The following CAST variants were observed in gnomAD, a reference collection of about 807,000 sequenced individuals.
CAST encodes calpastatin, also known as MIR583 host.
A neutral mutation model predicts 119.6 loss-of-function variants in CAST; 76 were observed. The observed-to-expected ratio is 0.64, with a 90% CI of 0.53 to 0.77. The LOEUF is 0.77. Among genes scored for constraint, CAST ranks in the 30% least tolerant of loss-of-function variants. CAST has a pLI of 0.00. For missense variants in CAST, 953 were observed against 946.5 expected (o/e 1.01, Z -0.09); for synonymous variants, 319 against 331.6 (o/e 0.96, Z 0.41).
intron 22 of CAST, among the ~76,000 whole-genome samples, chr5:96,757,135 C>T (rs1766483112): frequency 6.6e-6 from 1 of 152,240 alleles, no homozygotes; most frequent in South Asian, 2.1e-4. Context: ...CACAGCACCA[C>T]ATACCACACT....
At chr5:96,495,268 TACTTTAA>T in the CAST span, among the ~76,000 whole-genome samples, 2 of 152,200 alleles carry the variant, frequency 1.3e-5, no homozygotes, top group Non-Finnish European at 2.9e-5. Flanking sequence ...TTGTTTTTTT[TACTTTAA>T]GTTCTGGGAT....
At chr5:96,668,659 T>C (rs7704167) in intron 1 of CAST, among the ~76,000 whole-genome samples, 38,341 of 152,118 alleles carry the variant, frequency 0.25, 6,548 homozygotes, top group African/African-American at 0.48. Context: ...ACTGAAAAAT[T>C]AAATTATCTG....
the CAST span, among the ~76,000 whole-genome samples, chr5:96,131,829 G>A: frequency 6.6e-6 from 1 of 152,058 alleles, no homozygotes; most frequent in Non-Finnish European, 1.5e-5. Context: ...ACAAACATAA[G>A]TATCAAATCA....
the CAST span, among the ~76,000 whole-genome samples, chr5:96,332,620 C>T: frequency 1.3e-5 from 2 of 152,106 alleles, no homozygotes; most frequent in Non-Finnish European, 2.9e-5. Context: ...AACTTGAGGA[C>T]AGAGCGACGA....
chr5:96,467,154 C>T, the CAST span, among the ~76,000 whole-genome samples: 1 of 151,836 alleles, frequency 6.6e-6, no homozygotes. Flanking sequence ...ATTGTCTTCC[C>T]TGTCTTTTCC....
At chr5:96,271,665 A>C in the CAST span, among the ~76,000 whole-genome samples, 1 of 152,058 alleles carries the variant, frequency 6.6e-6, no homozygotes, top group African/African-American at 2.4e-5. Context: ...AAAAAAAAAA[A>C]AACATTGAAG....
At chr5:96,214,446 C>T in the CAST span, among the ~76,000 whole-genome samples, 1 of 152,046 alleles carries the variant, frequency 6.6e-6, no homozygotes, top group African/African-American at 2.4e-5. Flanking sequence ...ATTGTTACTA[C>T]CCAAATGGAG....
At chr5:96,183,050 A>G in the CAST span, among the ~76,000 whole-genome samples, 1 of 151,886 alleles carries the variant, frequency 6.6e-6, no homozygotes. Flanking sequence ...GAGGCAGGAG[A>G]ATGGCGTGAA....
chr5:96,423,332 G>A, the CAST span: 126 of 1,611,412 alleles, frequency 7.8e-5, no homozygotes, highest in Admixed American at 5.0e-4. Context: ...ATAAATGTCC[G>A]TGTGATTCCA....
At chr5:96,770,346 C>A (rs1300413988) in intron 29 of CAST, 185 bp from the exon 30 acceptor site, 1 of 545,710 alleles carries the variant, frequency 1.8e-6, no homozygotes, top group Non-Finnish European at 3.3e-6. Flanking sequence ...ATCCTTTTTC[C>A]CTCCTGCTTT....
intron 9 of CAST, 149 bp from the exon 10 acceptor site, chr5:96,736,023 A>G (rs1761560634): frequency 3.4e-6 from 2 of 582,122 alleles, no homozygotes; most frequent in Non-Finnish European, 3.0e-6. Flanking sequence ...GAAAAAGGAT[A>G]TAAAACACAC....
the CAST span, among the ~76,000 whole-genome samples, chr5:96,490,354 CTGTG>C: frequency 0.054 from 8,106 of 149,566 alleles, 525 homozygotes; most frequent in African/African-American, 0.16. Context: ...ATGTGTGTGT[CTGTG>C]TGTGTGTGTG....
chr5:96,375,232 G>T, the CAST span, among the ~76,000 whole-genome samples: 3 of 152,172 alleles, frequency 2.0e-5, no homozygotes, highest in Admixed American at 2.0e-4. Context: ...AGATTTTCAG[G>T]TGTCTTCAAA....
chr5:96,283,612 T>A, the CAST span, among the ~76,000 whole-genome samples: 2 of 152,216 alleles, frequency 1.3e-5, no homozygotes, highest in Non-Finnish European at 2.9e-5. Context: ...TGGTCCAGAC[T>A]AAAGTTCAAC....
At chr5:96,749,341 A>G (rs1764459964) in intron 19 of CAST, among the ~76,000 whole-genome samples, 1 of 152,196 alleles carries the variant, frequency 6.6e-6, no homozygotes, top group Non-Finnish European at 1.5e-5. Context: ...AGCCTTTGTT[A>G]CAAAGAAGAG....
At chr5:96,761,865 A>C (rs556905580) in intron 24 of CAST, 1 of 155,876 alleles carries the variant, frequency 6.4e-6, no homozygotes, top group African/African-American at 2.4e-5. Flanking sequence ...TGCTTTTCGC[A>C]GTATGAATTC....
the CAST span, among the ~76,000 whole-genome samples, chr5:96,002,200 G>A: frequency 9.2e-5 from 14 of 152,220 alleles, no homozygotes; most frequent in Admixed American, 2.6e-4. Flanking sequence ...GGCCTTGCCT[G>A]ATCTATTGGG....
At chr5:96,770,470 C>A in intron 29 of CAST, 61 bp from the exon 30 acceptor site, 1 of 988,198 alleles carries the variant, frequency 1.0e-6, no homozygotes, top group Non-Finnish European at 1.6e-6. Context: ...TAACTGCAGC[C>A]TAGTTAATTG....
At chr5:96,492,737 A>G in the CAST span, among the ~76,000 whole-genome samples, 1 of 152,258 alleles carries the variant, frequency 6.6e-6, no homozygotes, top group Non-Finnish European at 1.5e-5. Flanking sequence ...ACTCCAATGG[A>G]GAACACACAT....
Sources: gnomAD v4.1 joint callset for allele counts (sites outside exome capture counted in the v4.1 genomes callset) on GRCh38, gnomAD v4.1.1 for gene constraint, MANE v1.5 for transcripts, NCBI Gene and HGNC (gene_info 2026-07-23, HGNC 2026-07-21) for gene names.